The following MLLT10 variants were observed in gnomAD, a reference collection of about 807,000 sequenced individuals.
The protein encoded by MLLT10 is protein AF-10.
In MLLT10, 30 loss-of-function variants were observed where a neutral mutation model predicts 129.1. The ratio of observed to expected loss-of-function variants is 0.23; its 90% CI spans 0.17 to 0.32. The LOEUF (loss-of-function observed/expected upper bound fraction) is 0.32. Among genes scored for constraint, MLLT10 ranks in the 10% least tolerant of loss-of-function variants. MLLT10 has a pLI of 1.00. For synonymous variants in MLLT10, 490 were observed against 446.4 expected, an observed-to-expected ratio of 1.10 and a Z score of -1.23; for missense variants, 1,119 against 1,268.3, an observed-to-expected ratio of 0.88 and a Z score of 1.79.
chr10:21,740,915 A>G (rs2058775310), intron 22 of MLLT10, among the ~76,000 whole-genome samples: 1 of 152,208 alleles, frequency 6.6e-6, no homozygotes, highest in Non-Finnish European at 1.5e-5. Flanking sequence ...TCAGGGCAGA[A>G]CCCTGTTAGA....
chr10:21,558,311 T>C (rs1181587126), intron 3 of MLLT10, among the ~76,000 whole-genome samples: 3 of 152,018 alleles, frequency 2.0e-5, no homozygotes, highest in African/African-American at 7.2e-5. Flanking sequence ...CCTCAAATCC[T>C]TTTCTAAAAA....
intron 5 of MLLT10, among the ~76,000 whole-genome samples, chr10:21,598,224 C>G (rs2043194623): frequency 6.6e-6 from 1 of 152,140 alleles, no homozygotes; most frequent in South Asian, 2.1e-4. Flanking sequence ...TTTAATGGGT[C>G]ATATTCCACT....
intron 3 of MLLT10, among the ~76,000 whole-genome samples, chr10:21,541,075 G>T (rs1290725772): frequency 6.6e-6 from 1 of 152,030 alleles, no homozygotes; most frequent in South Asian, 2.1e-4. Flanking sequence ...CAGGAGAATC[G>T]CTTGGACCTG....
chr10:21,624,930 G>A (rs1478805617), intron 8 of MLLT10: 18 of 1,311,688 alleles, frequency 1.4e-5, no homozygotes, highest in Middle Eastern at 3.8e-4. Context: ...ACCTCTTGGA[G>A]GTGGTGCTCC....
At chr10:21,625,223 T>G in intron 8 of MLLT10, 1 of 1,491,692 alleles carries the variant, frequency 6.7e-7, no homozygotes, top group Non-Finnish European at 9.3e-7. Flanking sequence ...CTCTTTCCTT[T>G]TCTTGTCTGG....
intron 8 of MLLT10, among the ~76,000 whole-genome samples, chr10:21,619,753 G>A (rs2131221339): frequency 6.6e-6 from 1 of 152,226 alleles, no homozygotes; most frequent in South Asian, 2.1e-4. Context: ...CACACTAAAT[G>A]AAGGAAACAT....
Position 21,733,807 on chromosome 10 carries a change from G to A in MLLT10, c.2536G>A (p.Ala846Thr). The change falls in exon 20 of 23, where the codon GCT becomes ACT. Residue 846 changes from alanine (A) to threonine (T), a missense_variant. Around this residue, in one of 5 missense-constraint regions of MLLT10, gnomAD observed 1,004 missense variants for 1,008.7 expected, o/e 1.00. Transcript: ENST00000307729. ...SSGQSTSSSS[A>T]LSTPPPAGQS... Reference sequence around the variant, plus strand: ...TGGACAAAGTACCAGCAGCTCATCAGCTCTTTCTACCCCACCTCCTGCTGG... The same window carrying A: ...TGGACAAAGTACCAGCAGCTCATCAACTCTTTCTACCCCACCTCCTGCTGG... 1 of 1,614,018 alleles carries A rather than the reference G, an allele frequency of 6.2e-7. No individual in the cohort carries two copies. The highest frequency in any genetic ancestry group is 8.5e-7 in the Non-Finnish European group (1 of 1,179,992).
chr10:21,577,663 G>T (rs954014293), intron 3 of MLLT10, among the ~76,000 whole-genome samples: 1 of 151,762 alleles, frequency 6.6e-6, no homozygotes, highest in Non-Finnish European at 1.5e-5. Context: ...TAGAGATGGG[G>T]TTTCACTATA....
intron 14 of MLLT10, among the ~76,000 whole-genome samples, chr10:21,717,492 TCCTCCTCCTCCTCCTCCTCCTCCACCA>T (rs1465612727): frequency 9.0e-5 from 5 of 55,670 alleles, no homozygotes; most frequent in Admixed American, 1.7e-4. Context: ...TTCCTCCTCC[TCCTCCTCCTCCTCCTCCTCCTCCACCA>T]CCTCCTCCTC....
intron 3 of MLLT10, among the ~76,000 whole-genome samples, chr10:21,541,646 G>A (rs531136960): frequency 6.6e-6 from 1 of 151,978 alleles, no homozygotes; most frequent in Admixed American, 6.6e-5. Context: ...TTGGCCTCCC[G>A]AAGTACTGGG....
chr10:21,726,548 A>T (rs751054408), intron 15 of MLLT10, among the ~76,000 whole-genome samples, 193 bp downstream of exon 15: 9 of 152,190 alleles, frequency 5.9e-5, no homozygotes, highest in Non-Finnish European at 1.0e-4. Flanking sequence ...TGATTTTATT[A>T]TTCCACATTA....
chr10:21,535,608 A>T (rs1227606630), intron 2 of MLLT10, among the ~76,000 whole-genome samples: 1 of 152,224 alleles, frequency 6.6e-6, no homozygotes, highest in Admixed American at 6.5e-5. Context: ...GGCCGAGGAC[A>T]CTAGTAAGAT....
chr10:21,657,081 A>G (rs532925715), intron 9 of MLLT10, among the ~76,000 whole-genome samples: 19 of 152,254 alleles, frequency 1.2e-4, no homozygotes, highest in African/African-American at 4.6e-4. Flanking sequence ...ATGGTAGAAG[A>G]GGATATTGCC....
At chr10:21,598,225 A>T (rs1220336583) in intron 5 of MLLT10, among the ~76,000 whole-genome samples, 1 of 152,164 alleles carries the variant, frequency 6.6e-6, no homozygotes, top group Non-Finnish European at 1.5e-5. Context: ...TTAATGGGTC[A>T]TATTCCACTA....
At chr10:21,536,014 C>T (rs1310982092) in intron 2 of MLLT10, among the ~76,000 whole-genome samples, 1 of 152,228 alleles carries the variant, frequency 6.6e-6, no homozygotes, top group East Asian at 1.9e-4. Flanking sequence ...TCTCAGCTTA[C>T]TGCAACCTCT....
rs1268175242 is a variant in MLLT10 at position 21,743,338 on chromosome 10, CATAAG to C, written c.*1360_*1364del. Reference sequence around the variant, plus strand: ...AATCTGTTTTGTATTGTGACAAATTCATAAGATAACATTGATATTTTGATTTGTAA... The same window carrying C: ...AATCTGTTTTGTATTGTGACAAATTCATAACATTGATATTTTGATTTGTAA... On this transcript the variant is annotated 3_prime_UTR_variant, in exon 23 of 23. Transcript: ENST00000307729. 6 of 217,408 alleles carry C rather than the reference CATAAG, an allele frequency of 2.8e-5. No homozygotes were observed. The South Asian group carries it at 5.6e-4, about 20-fold the overall frequency. 13.5% of individuals were successfully genotyped at this position (217,408 alleles called of 1,614,324 possible).
chr10:21,618,864 C>G (rs2045528131), intron 8 of MLLT10, among the ~76,000 whole-genome samples: 1 of 151,986 alleles, frequency 6.6e-6, no homozygotes, highest in South Asian at 2.1e-4. Context: ...TACCTAGTAG[C>G]TAGGATTACA....
At chr10:21,613,594 G>A (rs1481639877) in intron 6 of MLLT10, among the ~76,000 whole-genome samples, 3 of 152,184 alleles carry the variant, frequency 2.0e-5, no homozygotes, top group Non-Finnish European at 4.4e-5. Context: ...AGAAACTTCA[G>A]CGTTTTGTGT....
intron 8 of MLLT10, among the ~76,000 whole-genome samples, chr10:21,646,311 T>G (rs1367254071): frequency 2.0e-5 from 3 of 152,216 alleles, no homozygotes; most frequent in Non-Finnish European, 2.9e-5. Flanking sequence ...AACATTTAGG[T>G]TCATTACAGA....
Sources: gnomAD v4.1 joint callset for allele counts (sites outside exome capture counted in the v4.1 genomes callset) on GRCh38, gnomAD v4.1.1 for gene constraint, gnomAD v4.1.1 regional missense constraint, MANE v1.5 for transcripts, NCBI Gene and HGNC (gene_info 2026-07-23, HGNC 2026-07-21) for gene names.